AASS: variants seen among roughly 807,000 people sequenced by gnomAD.
The protein encoded by AASS is aminoadipate-semialdehyde synthase, also known as alpha-aminoadipic semialdehyde synthase, mitochondrial.
AASS carries 86 observed loss-of-function variants against 105.4 expected under a neutral mutation model. That is an observed-to-expected ratio of 0.82 (90% CI 0.69 to 0.98). The LOEUF (loss-of-function observed/expected upper bound fraction) is 0.98, where lower values mean the gene tolerates loss of function less well. Among genes scored for constraint, AASS ranks in the 50% least tolerant of loss-of-function variants. AASS has a pLI of 0.00. For synonymous variants in AASS, 381 were observed against 394.8 expected, an observed-to-expected ratio of 0.96 and a Z score of 0.41; for missense variants, 1,048 against 1,143.2, an observed-to-expected ratio of 0.92 and a Z score of 1.20.
chr7:122,104,586 C>T (rs906132258), intron 11 of AASS, among the ~76,000 whole-genome samples: 4 of 151,958 alleles, frequency 2.6e-5, no homozygotes, highest in African/African-American at 9.7e-5. Context: ...AGCAAGACTG[C>T]CTCAAAAATA....
intron 11 of AASS, among the ~76,000 whole-genome samples, chr7:122,106,473 G>C (rs1794668409): frequency 6.6e-6 from 1 of 151,864 alleles, no homozygotes; most frequent in Non-Finnish European, 1.5e-5. Context: ...AAAAAACAGA[G>C]CTGGAGGTAT....
intron 1 of AASS, among the ~76,000 whole-genome samples, chr7:122,138,470 G>A (rs998582995): frequency 6.6e-6 from 1 of 152,122 alleles, no homozygotes; most frequent in Non-Finnish European, 1.5e-5. Context: ...TGTAAATGTG[G>A]TCTCTCTCAC....
At chr7:122,101,719 T>C (rs764610098) in intron 11 of AASS, 39 bp from the exon 12 acceptor site, 55 of 1,440,704 alleles carry the variant, frequency 3.8e-5, no homozygotes, top group Non-Finnish European at 4.9e-5. Flanking sequence ...TAAATGACAC[T>C]GCAAAGAAGG....
intron 1 of AASS, among the ~76,000 whole-genome samples, chr7:122,140,704 A>C (rs1273581930): frequency 6.6e-6 from 1 of 151,956 alleles, no homozygotes; most frequent in African/African-American, 2.4e-5. Context: ...GACTCAAACC[A>C]AAACTATCAA....
intron 21 of AASS, 199 bp from the exon 22 acceptor site, chr7:122,079,149 C>G (rs1049684309): frequency 1.1e-5 from 16 of 1,469,762 alleles, no homozygotes; most frequent in East Asian, 2.5e-5. Context: ...CCAGACTCAC[C>G]CAGGCACTGC....
chr7:122,133,441 AT>A (rs1795998140), intron 2 of AASS, 75 bp downstream of exon 2: 1 of 1,493,376 alleles, frequency 6.7e-7, no homozygotes, highest in Non-Finnish European at 9.3e-7. Context: ...CAAACATTTT[AT>A]TTTCACTCAG....
intron 13 of AASS, among the ~76,000 whole-genome samples, chr7:122,099,847 A>G (rs1346690798): frequency 6.6e-6 from 1 of 151,876 alleles, no homozygotes; most frequent in East Asian, 1.9e-4. Context: ...TGATGTGAAG[A>G]GGTCTCATTT....
chr7:122,093,178 T>G lies in AASS; in HGVS notation c.1656-20A>C. The G allele has an allele frequency of 6.4e-7, 1 of 1,557,674 alleles. No homozygotes were observed. Among genetic ancestry groups the G allele is most frequent in the East Asian group, 2.2e-5 (1 of 44,598 alleles). On this transcript the variant is annotated intron_variant, in intron 15 of 23. Coordinates refer to ENST00000417368, the MANE Select transcript of AASS (RefSeq NM_005763.4). ...AACAAGCTTGAAAACAGGAAGAAACTAATCAGAAACTCCCTTTTTCAACTC... is the reference window on the plus strand; with the variant it reads ...AACAAGCTTGAAAACAGGAAGAAACGAATCAGAAACTCCCTTTTTCAACTC...
At chr7:122,102,915 C>A (rs531567475) in intron 11 of AASS, among the ~76,000 whole-genome samples, 3 of 151,550 alleles carry the variant, frequency 2.0e-5, no homozygotes, top group Middle Eastern at 3.4e-3. Context: ...AGGAAAAAAA[C>A]AGGGAACATA....
At chr7:122,118,706 T>C in intron 4 of AASS, 76 bp from the exon 5 acceptor site, 2 of 1,413,152 alleles carry the variant, frequency 1.4e-6, no homozygotes, top group South Asian at 1.2e-5. Context: ...CGTTCTCCAA[T>C]CTGCATGGTG....
rs1793102477 is a variant in AASS, at chr7:122,077,905, A to G, written c.2595T>C (p.Asn865=). ...TIDLVAYGDI[N]GFSAMAKTVG... ...CGGTTTTAGCCATGGCTGAAAAGCC[A>G]TTGATGTCCCCATAAGCCACAAGAT... is the stretch of plus-strand genomic sequence containing the variant. The change falls in exon 23 of 24, where the codon AAT becomes AAC. Residue 865 remains asparagine, a synonymous_variant. Transcript: ENST00000417368. 2 of 1,614,214 alleles carry G rather than the reference A, an allele frequency of 1.2e-6. No individual in the cohort carries two copies. The highest frequency in any genetic ancestry group is 1.7e-6 in the Non-Finnish European group (2 of 1,180,040).
intron 23 of AASS, 38 bp from the exon 24 acceptor site, chr7:122,076,645 T>C: frequency 6.9e-7 from 1 of 1,446,938 alleles, no homozygotes; most frequent in South Asian, 1.1e-5. Flanking sequence ...ATTTCAAAGG[T>C]TGTGTCAGAG....
At chr7:122,079,508 CA>C in intron 21 of AASS, 88 bp downstream of exon 21, 1 of 1,185,886 alleles carries the variant, frequency 8.4e-7, no homozygotes, top group Non-Finnish European at 1.2e-6. Flanking sequence ...TAATCAAAGA[CA>C]AATGTAAAAT....
chr7:122,118,104 T>C (rs1326803492), intron 6 of AASS, among the ~76,000 whole-genome samples: 1 of 152,016 alleles, frequency 6.6e-6, no homozygotes, highest in Non-Finnish European at 1.5e-5. Flanking sequence ...CACACATATA[T>C]ATACACACAC....
rs1793179868 is a variant in AASS, at chr7:122,079,029, AATT to A, written c.2397-82_2397-80del. 1.6e-5 allele frequency: 26 copies of A among 1,611,342 alleles called. No homozygotes were observed. In the East Asian group the frequency reaches 5.8e-4, roughly 36 times the overall value. Reference sequence around the variant, plus strand: ...TTGGGAAGCAAAAGGGAGCTCCTTGAATTTAATCTTGAAAGGGCAGAATTACAA... The same window carrying A: ...TTGGGAAGCAAAAGGGAGCTCCTTGATAATCTTGAAAGGGCAGAATTACAA... On this transcript the variant is annotated intron_variant, in intron 21 of 23. Transcript: ENST00000417368.
chr7:122,114,311 C>A (rs1277096468), intron 9 of AASS, among the ~76,000 whole-genome samples: 1 of 152,170 alleles, frequency 6.6e-6, no homozygotes, highest in African/African-American at 2.4e-5. Context: ...TCTCCTCATT[C>A]CTCCCTTTAA....
intron 11 of AASS, among the ~76,000 whole-genome samples, chr7:122,107,061 T>C (rs1003324188): frequency 1.3e-5 from 2 of 151,876 alleles, no homozygotes; most frequent in East Asian, 3.9e-4. Flanking sequence ...ACAACCCCAT[T>C]AAAAGCTGGG....
intron 8 of AASS, 75 bp from the exon 9 acceptor site, chr7:122,115,297 A>T (rs1416127180): frequency 6.5e-7 from 1 of 1,530,696 alleles, no homozygotes; most frequent in East Asian, 2.3e-5. Context: ...GAAAGCTATC[A>T]GTAAATTCTA....
In AASS at chr7:122,075,909, G is replaced by C. The variant is rs1490668857; in HGVS notation, c.*580C>G. ...ATAGCTTTATGACGAAATTTTTTCTGACTAAAAAAGTAAAACTTCATTTGC... is the reference window on the plus strand; with the variant it reads ...ATAGCTTTATGACGAAATTTTTTCTCACTAAAAAAGTAAAACTTCATTTGC... On this transcript the variant is annotated 3_prime_UTR_variant, in exon 24 of 24. Transcript: ENST00000417368. 6.6e-6 allele frequency: 1 copy of C among 152,058 alleles called. No individual in the cohort carries two copies. The allele number at this position is 152,058 out of a possible 1,614,324, so 9.4% of individuals were successfully genotyped here. A position where few individuals can be genotyped will look rare whatever the true frequency, so the allele number is the denominator to read the frequency against.
Sources: allele counts gnomAD v4.1 joint callset (sites outside exome capture counted in the v4.1 genomes callset), GRCh38; gene constraint gnomAD v4.1.1; transcripts MANE v1.5; gene names NCBI Gene and HGNC (gene_info 2026-07-23, HGNC 2026-07-21).